RPS6KA5: variants seen among roughly 807,000 people sequenced by gnomAD.
The protein encoded by RPS6KA5 is ribosomal protein S6 kinase A5.
A neutral mutation model predicts 85.5 loss-of-function variants in RPS6KA5; 27 were observed. The ratio of observed to expected loss-of-function variants is 0.32; its 90% CI spans 0.23 to 0.44. RPS6KA5 has a LOEUF of 0.44. Ranked by LOEUF, RPS6KA5 falls within the 20% of genes least tolerant of loss-of-function variation. The pLI, the probability that RPS6KA5 is intolerant of heterozygous loss-of-function variation, is 1.00. For missense variants in RPS6KA5, 811 were observed against 980.9 expected, an observed-to-expected ratio of 0.83 and a Z score of 2.31; for synonymous variants, 334 against 348.2, an observed-to-expected ratio of 0.96 and a Z score of 0.46.
intron 1 of RPS6KA5, among the ~76,000 whole-genome samples, chr14:91,050,669 T>C (rs900670648): frequency 3.3e-5 from 5 of 152,068 alleles, no homozygotes; most frequent in Non-Finnish European, 5.9e-5. Flanking sequence ...CCCCAGGTGA[T>C]ACACCCGCCT....
chr14:90,880,677 G>C (rs1258580388), intron 14 of RPS6KA5, among the ~76,000 whole-genome samples: 1 of 152,086 alleles, frequency 6.6e-6, no homozygotes, highest in Non-Finnish European at 1.5e-5. Flanking sequence ...TTACAGGACT[G>C]TCTACTTCTC....
At chr14:91,001,027 T>A in intron 2 of RPS6KA5, 61 bp downstream of exon 2, 1 of 935,548 alleles carries the variant, frequency 1.1e-6, no homozygotes, top group Non-Finnish European at 1.7e-6. Context: ...ATATCAATCC[T>A]TCATCATAGG....
At chr14:90,946,168 A>T (rs551289752) in intron 4 of RPS6KA5, among the ~76,000 whole-genome samples, 12 of 152,164 alleles carry the variant, frequency 7.9e-5, no homozygotes, top group Non-Finnish European at 1.8e-4. Context: ...CACAAAAATC[A>T]TCTTAAAGCT....
chr14:91,020,735 A>C (rs1026410634), intron 1 of RPS6KA5, among the ~76,000 whole-genome samples: 5 of 151,190 alleles, frequency 3.3e-5, no homozygotes, highest in Non-Finnish European at 7.4e-5. Context: ...TTTTTCCTTG[A>C]GTATAAAATC....
intron 7 of RPS6KA5, among the ~76,000 whole-genome samples, chr14:90,914,113 T>C (rs1566733753): frequency 2.0e-5 from 3 of 152,030 alleles, no homozygotes; most frequent in Non-Finnish European, 2.9e-5. Context: ...TTTTAGACTC[T>C]GGGTTGACTG....
chr14:90,960,590 T>A (rs140876423), intron 3 of RPS6KA5, among the ~76,000 whole-genome samples: 62 of 152,284 alleles, frequency 4.1e-4, no homozygotes, highest in African/African-American at 1.4e-3. Flanking sequence ...CATTTCCTCA[T>A]ATAAAATACA....
At chr14:90,973,511 T>C (rs2039419000) in intron 3 of RPS6KA5, among the ~76,000 whole-genome samples, 1 of 151,690 alleles carries the variant, frequency 6.6e-6, no homozygotes, top group South Asian at 2.1e-4. Context: ...GCCTACAGGT[T>C]TTTTCCCCCA....
At chr14:90,967,560 A>G (rs562781004) in intron 3 of RPS6KA5, among the ~76,000 whole-genome samples, 7 of 152,330 alleles carry the variant, frequency 4.6e-5, no homozygotes, top group African/African-American at 1.7e-4. Context: ...AAGACTTATG[A>G]ATGTTTAACA....
chr14:90,971,370 T>C (rs2039315133), intron 3 of RPS6KA5, among the ~76,000 whole-genome samples: 1 of 152,198 alleles, frequency 6.6e-6, no homozygotes, highest in Non-Finnish European at 1.5e-5. Context: ...CTACTGCCTA[T>C]GGTCAAAGAG....
intron 1 of RPS6KA5, among the ~76,000 whole-genome samples, chr14:91,030,363 G>C (rs1373997836): frequency 1.3e-5 from 2 of 152,124 alleles, no homozygotes; most frequent in Non-Finnish European, 2.9e-5. Flanking sequence ...GTTGGTTTCA[G>C]AAAGCAGAGA....
At chr14:90,982,667 A>G (rs1278366278) in intron 2 of RPS6KA5, among the ~76,000 whole-genome samples, 1 of 152,188 alleles carries the variant, frequency 6.6e-6, no homozygotes, top group Non-Finnish European at 1.5e-5. Flanking sequence ...GGTCTTTTCA[A>G]GATACTCTGT....
rs1406845788 is a variant in RPS6KA5, at chr14:90,900,160, A to T, written c.1327T>A (p.Cys443Ser). Residue 443 changes from cysteine (C) to serine (S), a missense_variant, in exon 11 of 17, where the codon TGT (cysteine) becomes AGT (serine). Physicochemically the swap from Cys to Ser is moderately radical, Grantham distance 112. Transcript: ENST00000614987. ...GEGSFSICRK[C>S]VHKKSNQAFA... is the part of the protein sequence containing the mutation. Reference sequence around the variant, plus strand: ...GCTTGGTTACTTTTTTTATGCACACACTTTCGACAAATTGAAAAACTACCT... The same window carrying T: ...GCTTGGTTACTTTTTTTATGCACACTCTTTCGACAAATTGAAAAACTACCT... The T allele has an allele frequency of 3.1e-6, 5 of 1,606,574 alleles. No individual in the cohort carries two copies. The African/African-American group carries it at 4.0e-5, about 13-fold the overall frequency.
chr14:90,853,474 T>C lies in RPS6KA5; in HGVS notation c.*18600A>G, dbSNP rs1459246603. 2 of 148,988 alleles carry C rather than the reference T, an allele frequency of 1.3e-5. No homozygotes were observed. The highest frequency in any genetic ancestry group is 2.6e-5 in the African/African-American group (1 of 39,158). 9.2% of individuals were successfully genotyped at this position (148,988 alleles called of 1,614,324 possible). On this transcript the variant is annotated 3_prime_UTR_variant, in exon 17 of 17. Transcript: ENST00000614987. ...AAATAAATAAGATGCATCCCTTAAG[T>C]AACAACAATAAAAAAAAAACCCAAA...
intron 1 of RPS6KA5, among the ~76,000 whole-genome samples, chr14:91,050,725 A>G (rs1478001039): frequency 1.3e-5 from 2 of 152,144 alleles, no homozygotes; most frequent in African/African-American, 4.8e-5. Context: ...CACCGCGCCC[A>G]GCCGGCTTGC....
intron 1 of RPS6KA5, among the ~76,000 whole-genome samples, chr14:91,025,185 C>T (rs1468578010): frequency 6.6e-6 from 1 of 152,162 alleles, no homozygotes; most frequent in Non-Finnish European, 1.5e-5. Flanking sequence ...GCTGGGACTA[C>T]AGGCGCCTGC....
chr14:91,001,347 A>G (rs1364041283), intron 1 of RPS6KA5, among the ~76,000 whole-genome samples, 188 bp from the exon 2 acceptor site: 1 of 152,184 alleles, frequency 6.6e-6, no homozygotes, highest in Non-Finnish European at 1.5e-5. Context: ...CATTACAATA[A>G]AACTTTTTTT....
intron 1 of RPS6KA5, among the ~76,000 whole-genome samples, chr14:91,025,463 T>G (rs1294187997): frequency 1.3e-5 from 2 of 152,204 alleles, no homozygotes; most frequent in Admixed American, 6.5e-5. Context: ...TTACATGTAA[T>G]CTGAAGATTA....
At chr14:90,993,784 C>T (rs1170124207) in intron 2 of RPS6KA5, among the ~76,000 whole-genome samples, 2 of 152,152 alleles carry the variant, frequency 1.3e-5, no homozygotes, top group Admixed American at 1.3e-4. Flanking sequence ...TTGCTCTCTG[C>T]AAATTCACGT....
At chr14:90,881,844 T>G (rs1483105626) in intron 14 of RPS6KA5, among the ~76,000 whole-genome samples, 3 of 152,234 alleles carry the variant, frequency 2.0e-5, no homozygotes, top group African/African-American at 7.2e-5. Flanking sequence ...TCTTTTCCCA[T>G]AGTTTCACTT....
Sources: gnomAD v4.1 joint callset for allele counts (sites outside exome capture counted in the v4.1 genomes callset) on GRCh38, gnomAD v4.1.1 for gene constraint, MANE v1.5 for transcripts, NCBI Gene and HGNC (gene_info 2026-07-23, HGNC 2026-07-21) for gene names.